The following GRB10 variants were observed in gnomAD, a reference collection of about 807,000 sequenced individuals.
GRB10 encodes growth factor receptor-bound protein 10.
GRB10 carries 20 observed loss-of-function variants against 80.9 expected under a neutral mutation model. The ratio of observed to expected loss-of-function variants is 0.25; its 90% confidence interval spans 0.17 to 0.36. The LOEUF (loss-of-function observed/expected upper bound fraction) is 0.36, where lower values mean the gene tolerates loss of function less well. Ranked by LOEUF, GRB10 falls within the 10% of genes least tolerant of loss-of-function variation. The probability of loss-of-function intolerance (pLI) is 1.00; values close to 1 mark genes in which losing one functional copy is unlikely to be tolerated. For synonymous variants in GRB10, 291 were observed against 291.5 expected (o/e 1.00, Z 0.02); for missense variants, 548 against 747.7 (o/e 0.73, Z 3.12).
chr7:50,662,408 C>T (rs529962208), intron 7 of GRB10, among the ~76,000 whole-genome samples: 7 of 152,376 alleles, frequency 4.6e-5, no homozygotes, highest in African/African-American at 1.7e-4. Flanking sequence ...AGCTCCTCCA[C>T]TGCCTGCACA....
intron 5 of GRB10, among the ~76,000 whole-genome samples, chr7:50,695,270 C>T (rs893534475): frequency 1.3e-5 from 2 of 152,212 alleles, no homozygotes; most frequent in African/African-American, 4.8e-5. Context: ...TTGCTCCAGA[C>T]TGATGTATCA....
intron 5 of GRB10, among the ~76,000 whole-genome samples, chr7:50,677,603 T>C (rs2061095623): frequency 6.6e-6 from 1 of 152,204 alleles, no homozygotes; most frequent in Non-Finnish European, 1.5e-5. Context: ...CTAGAACGTA[T>C]GCATCACGCA....
chr7:50,630,071 G>A (rs570934739), intron 7 of GRB10, among the ~76,000 whole-genome samples: 6 of 152,332 alleles, frequency 3.9e-5, no homozygotes, highest in Middle Eastern at 3.4e-3. Context: ...GTTCTATCCC[G>A]GCTTAGCCTC....
At chr7:50,610,821 A>G (rs575177140) in intron 13 of GRB10, among the ~76,000 whole-genome samples, 13 of 152,322 alleles carry the variant, frequency 8.5e-5, no homozygotes, top group African/African-American at 2.9e-4. Flanking sequence ...TTCGTTTTGC[A>G]TTAGTCACTC....
chr7:50,731,097 A>G (rs1273033804), intron 4 of GRB10, among the ~76,000 whole-genome samples: 1 of 152,164 alleles, frequency 6.6e-6, no homozygotes, highest in Non-Finnish European at 1.5e-5. Context: ...GAACAAGAAG[A>G]CAATTATGCA....
chr7:50,643,294 A>G (rs1484564758), intron 7 of GRB10, among the ~76,000 whole-genome samples: 1 of 152,170 alleles, frequency 6.6e-6, no homozygotes, highest in African/African-American at 2.4e-5. Context: ...ACAACACCCT[A>G]ATCAAGTCAT....
intron 3 of GRB10, 129 bp from the exon 4 acceptor site, chr7:50,732,497 C>A: frequency 1.5e-6 from 1 of 660,260 alleles, no homozygotes; most frequent in Non-Finnish European, 2.7e-6. Context: ...TCAGTAAGGA[C>A]ACTTGCTCGG....
chr7:50,656,472 G>T (rs1320054667), intron 7 of GRB10, among the ~76,000 whole-genome samples: 1 of 152,228 alleles, frequency 6.6e-6, no homozygotes, highest in Non-Finnish European at 1.5e-5. Flanking sequence ...AACGCCACTA[G>T]ACTCTCTTCT....
At chr7:50,677,257 G>A (rs570740669) in intron 5 of GRB10, among the ~76,000 whole-genome samples, 10 of 152,306 alleles carry the variant, frequency 6.6e-5, no homozygotes, top group Admixed American at 2.6e-4. Context: ...AATAATTACT[G>A]CATAATCAAT....
chr7:50,700,078 G>A (rs527447824), intron 5 of GRB10, among the ~76,000 whole-genome samples: 1 of 152,004 alleles, frequency 6.6e-6, no homozygotes, highest in South Asian at 2.1e-4. Flanking sequence ...GGCAGAGATT[G>A]CAGTGAGCCG....
In GRB10 at chr7:50,592,638, C is replaced by T. The variant is rs548905422; in HGVS notation, c.*314G>A. 2.8e-5 allele frequency: 12 copies of T among 434,788 alleles called. No homozygotes were observed. Among genetic ancestry groups the T allele is most frequent in the South Asian group, 2.6e-4 (11 of 41,832 alleles). The allele number at this position is 434,788 out of a possible 1,614,324, so 26.9% of individuals were successfully genotyped here. ...CAGGGCAAGAGTTCATTTCCAATCA[C>T]TTCTCTCCGGTTCTTGTTCCTAAGC... On this transcript the variant is annotated 3_prime_UTR_variant, in exon 19 of 19. Coordinates refer to ENST00000401949, the MANE Select transcript of GRB10 (RefSeq NM_001350814.2).
chr7:50,767,307 C>T (rs1176851254), intron 2 of GRB10, among the ~76,000 whole-genome samples: 1 of 152,176 alleles, frequency 6.6e-6, no homozygotes, highest in Non-Finnish European at 1.5e-5. Flanking sequence ...AAAAGGACAC[C>T]TGGATCCTGA....
upstream of GRB10, among the ~76,000 whole-genome samples, chr7:50,783,823 C>T (rs1376672014): frequency 1.3e-5 from 2 of 152,206 alleles, no homozygotes; most frequent in African/African-American, 4.8e-5. Flanking sequence ...AAAACCCCAT[C>T]TCAGTCTGGG....
chr7:50,684,228 G>A (rs942048379), intron 5 of GRB10, among the ~76,000 whole-genome samples: 6 of 116,358 alleles, frequency 5.2e-5, no homozygotes, highest in African/African-American at 2.0e-4. Flanking sequence ...ATCAAATGCA[G>A]ATAGCCTGGC....
At chr7:50,724,910 T>C (rs1312917383) in intron 4 of GRB10, among the ~76,000 whole-genome samples, 2 of 152,150 alleles carry the variant, frequency 1.3e-5, no homozygotes, top group Non-Finnish European at 2.9e-5. Context: ...TATGACTCTG[T>C]GCAAAGAAAA....
Position 50,792,118 on chromosome 7 carries a change from G to C in GRB10, c.-294+1106C>G, listed in dbSNP as rs527669366. ...TTTCTGAAACTCGGGGGCTCCAAAC[G>C]GCTGAATCAGCATTTTCAGAAACAA... On this transcript the variant is annotated intron_variant, in intron 1 of 16. Transcript: ENST00000335866. Among the ~76,000 whole-genome samples the C allele has an allele frequency of 2.0e-5, 3 of 152,198 alleles. No homozygotes were observed. The East Asian group carries it at 5.8e-4, about 29-fold the overall frequency.
chr7:50,758,833 A>C (rs774331876), intron 2 of GRB10, among the ~76,000 whole-genome samples: 1 of 152,250 alleles, frequency 6.6e-6, no homozygotes, highest in Non-Finnish European at 1.5e-5. Context: ...AAAAGTAATT[A>C]TAAAATTTCA....
intron 5 of GRB10, among the ~76,000 whole-genome samples, chr7:50,697,128 T>A (rs2063532864): frequency 6.6e-6 from 1 of 152,124 alleles, no homozygotes; most frequent in South Asian, 2.1e-4. Flanking sequence ...AGGAAGTAGA[T>A]TAGAGGTTAC....
chr7:50,733,382 C>G (rs1406531361), intron 3 of GRB10, among the ~76,000 whole-genome samples: 1 of 152,158 alleles, frequency 6.6e-6, no homozygotes, highest in Non-Finnish European at 1.5e-5. Context: ...CCTTACTAAA[C>G]TAACACAGAC....
Sources: allele counts gnomAD v4.1 joint callset (sites outside exome capture counted in the v4.1 genomes callset), GRCh38; gene constraint gnomAD v4.1.1; transcripts MANE v1.5; gene names NCBI Gene and HGNC (gene_info 2026-07-23, HGNC 2026-07-21).